IL20RB: variants seen among roughly 807,000 people sequenced by gnomAD.
IL20RB encodes the protein interleukin-20 receptor subunit beta.
Under a neutral mutation model 33.3 loss-of-function variants are expected in IL20RB, and 21 were observed. The ratio of observed to expected loss-of-function variants is 0.63; its 90% CI spans 0.45 to 0.91. The LOEUF is 0.91. Ranked by LOEUF, IL20RB falls within the 40% of genes least tolerant of loss-of-function variation. The pLI, the probability that IL20RB is intolerant of heterozygous loss-of-function variation, is 0.00. For missense variants in IL20RB, 345 were observed against 384.8 expected (o/e 0.90, Z 0.86); for synonymous variants, 147 against 146.8 (o/e 1.00, Z -0.01).
chr3:136,976,835 T>A (rs1941630220), intron 1 of IL20RB, among the ~76,000 whole-genome samples: 1 of 152,174 alleles, frequency 6.6e-6, no homozygotes, highest in Admixed American at 6.5e-5. Context: ...GCAGCATGAG[T>A]TCCCTTCCTG....
At chr3:136,989,640 G>C in intron 4 of IL20RB, 75 bp downstream of exon 4, 3 of 1,560,772 alleles carry the variant, frequency 1.9e-6, no homozygotes, top group Non-Finnish European at 2.6e-6. Flanking sequence ...AGCAAGGGAA[G>C]GCTGCCCCTG....
intron 6 of IL20RB, among the ~76,000 whole-genome samples, chr3:137,005,990 G>T (rs1942342494): frequency 6.6e-6 from 1 of 152,100 alleles, no homozygotes; most frequent in South Asian, 2.1e-4. Flanking sequence ...CATTTGCTTG[G>T]CTGTAAAGAA....
At chr3:137,001,291 G>A (rs1023264775) in intron 6 of IL20RB, among the ~76,000 whole-genome samples, 1 of 152,016 alleles carries the variant, frequency 6.6e-6, no homozygotes, top group Non-Finnish European at 1.5e-5. Context: ...ATTCCCTTCC[G>A]TAAGGCTTTT....
intron 3 of IL20RB, chr3:136,986,815 C>G (rs1190122981): frequency 2.2e-6 from 1 of 452,902 alleles, no homozygotes; most frequent in East Asian, 7.0e-5. Context: ...GGTGGCGCGT[C>G]TGGAGTCTGT....
At chr3:137,000,470 A>G (rs1227173826) in intron 6 of IL20RB, among the ~76,000 whole-genome samples, 1 of 152,246 alleles carries the variant, frequency 6.6e-6, no homozygotes, top group Non-Finnish European at 1.5e-5. Flanking sequence ...GCCTTTAGGC[A>G]AGGAGCTGTG....
intron 4 of IL20RB, among the ~76,000 whole-genome samples, 181 bp from the exon 5 acceptor site, chr3:136,991,757 C>T (rs1942035921): frequency 6.6e-6 from 1 of 152,092 alleles, no homozygotes; most frequent in Non-Finnish European, 1.5e-5. Context: ...TACAGGCACC[C>T]ACCACCATGC....
intron 1 of IL20RB, among the ~76,000 whole-genome samples, chr3:136,970,120 C>A (rs1046880024): frequency 3.3e-5 from 5 of 150,454 alleles, no homozygotes; most frequent in Admixed American, 2.0e-4. Flanking sequence ...TAGACAGGGT[C>A]ACACTCTGTC....
chr3:136,993,008 T>C (rs1024382538), intron 5 of IL20RB, among the ~76,000 whole-genome samples: 30 of 152,242 alleles, frequency 2.0e-4, no homozygotes, highest in African/African-American at 7.0e-4. Context: ...TATTTTATGC[T>C]ACTTTATAAA....
intron 1 of IL20RB, among the ~76,000 whole-genome samples, chr3:136,975,042 A>G (rs993243097): frequency 2.6e-5 from 4 of 152,076 alleles, no homozygotes; most frequent in African/African-American, 9.7e-5. Context: ...TGTTTTTCCA[A>G]ATTCTCTTGT....
At chr3:137,007,273 T>C (rs1942368223) in intron 6 of IL20RB, among the ~76,000 whole-genome samples, 2 of 152,164 alleles carry the variant, frequency 1.3e-5, no homozygotes, top group African/African-American at 4.8e-5. Flanking sequence ...GCAGTCTGTC[T>C]GTTCTCGGAG....
intron 3 of IL20RB, among the ~76,000 whole-genome samples, chr3:136,985,038 A>G (rs1167916390): frequency 6.6e-6 from 1 of 152,210 alleles, no homozygotes; most frequent in Non-Finnish European, 1.5e-5. Context: ...GGGAGTGCCT[A>G]CAAAACTATG....
intron 1 of IL20RB, among the ~76,000 whole-genome samples, chr3:136,960,510 A>C (rs890738158): frequency 6.6e-6 from 1 of 152,198 alleles, no homozygotes; most frequent in Non-Finnish European, 1.5e-5. Context: ...TGTGTGATTC[A>C]GAAAGCTGAT....
chr3:136,960,037 C>T (rs180768643), intron 1 of IL20RB, among the ~76,000 whole-genome samples: 2 of 151,404 alleles, frequency 1.3e-5, no homozygotes, highest in African/African-American at 2.4e-5. Context: ...GCAGTTTTGA[C>T]CATTTCCTCT....
intron 6 of IL20RB, among the ~76,000 whole-genome samples, chr3:137,003,586 G>C (rs1460920477): frequency 6.6e-6 from 1 of 152,122 alleles, no homozygotes; most frequent in Non-Finnish European, 1.5e-5. Context: ...ACGGTGTATA[G>C]GAATGCTTGT....
chr3:136,998,362 T>A (rs1942176794), intron 6 of IL20RB, among the ~76,000 whole-genome samples: 1 of 151,512 alleles, frequency 6.6e-6, no homozygotes, highest in Non-Finnish European at 1.5e-5. Context: ...TTTTGCTTTA[T>A]ATAGTCATAT....
intron 6 of IL20RB, among the ~76,000 whole-genome samples, chr3:137,004,848 A>C (rs1942320932): frequency 2.0e-5 from 3 of 151,770 alleles, no homozygotes; most frequent in Non-Finnish European, 4.4e-5. Context: ...AGTTCTTTTA[A>C]TTGTGATGTT....
At chr3:137,004,752 G>T (rs1477175173) in intron 6 of IL20RB, among the ~76,000 whole-genome samples, 2 of 151,626 alleles carry the variant, frequency 1.3e-5, no homozygotes, top group African/African-American at 2.4e-5. Context: ...GGGTTTTTTT[G>T]TGTGTCTCTC....
chr3:136,981,281 T>TTAAATTAAAC (rs1941768168), intron 2 of IL20RB, among the ~76,000 whole-genome samples: 1 of 151,882 alleles, frequency 6.6e-6, no homozygotes, highest in African/African-American at 2.4e-5. Context: ...TTAAATTAAA[T>TTAAATTAAAC]TAAATTAAAT....
chr3:136,979,338 C>T (rs541542622), intron 1 of IL20RB, among the ~76,000 whole-genome samples: 1 of 152,330 alleles, frequency 6.6e-6, no homozygotes, highest in African/African-American at 2.4e-5. Flanking sequence ...TTTGTGGTCA[C>T]AGGGCTTGAT....
Sources: allele counts gnomAD v4.1 joint callset (sites outside exome capture counted in the v4.1 genomes callset), GRCh38; gene constraint gnomAD v4.1.1; transcripts MANE v1.5; gene names NCBI Gene and HGNC (gene_info 2026-07-23, HGNC 2026-07-21).